GNPTG: variants seen among roughly 807,000 people sequenced by gnomAD.
GNPTG encodes the protein N-acetylglucosamine-1-phosphotransferase subunit gamma.
A neutral mutation model predicts 43.8 loss-of-function variants in GNPTG; 46 were observed. The observed-to-expected ratio is 1.05, with a 90% CI of 0.83 to 1.34. The LOEUF (loss-of-function observed/expected upper bound fraction) is 1.34. GNPTG is among the 40% of genes most tolerant of loss of function. The probability of loss-of-function intolerance (pLI) is 0.00; values close to 1 mark genes in which losing one functional copy is unlikely to be tolerated. For synonymous variants in GNPTG, 250 were observed against 172.8 expected (o/e 1.45, Z -3.50); for missense variants, 549 against 411.3 (o/e 1.33, Z -2.90).
intron 8 of GNPTG, 22 bp downstream of exon 8, chr16:1,362,556 C>T: frequency 6.2e-7 from 1 of 1,614,168 alleles, no homozygotes; most frequent in Non-Finnish European, 8.5e-7. Flanking sequence ...CTCGGGGTGG[C>T]CCCTGGTGGG....
rs952698680 is a variant in GNPTG at position 1,361,866 on chromosome 16, CCCCAGGTA to C, written c.234-4_237del. The C allele has an allele frequency of 1.2e-6, 2 of 1,613,928 alleles. No individual in the cohort carries two copies. The highest frequency in any genetic ancestry group is 1.7e-6 in the Non-Finnish European group (2 of 1,180,010). ...CGGACCCCCCTCATGCCATCTGTGT[CCCCAGGTA>C]CAAGTATGAGTTCTGCCCGTTCCAC... On this transcript the variant is annotated splice_acceptor_variant and splice_polypyrimidine_tract_variant and coding_sequence_variant and intron_variant, in exon 5 of 11. Transcript: ENST00000204679. LOFTEE classifies it high-confidence loss of function.
intron 3 of GNPTG, among the ~76,000 whole-genome samples, chr16:1,359,857 C>T (rs535773324): frequency 2.0e-5 from 3 of 152,198 alleles, no homozygotes; most frequent in Admixed American, 2.0e-4. Context: ...CGCCTGTAAT[C>T]CCAGTACTTT....
Position 1,363,322 on chromosome 16 carries a change from T to A in GNPTG, c.*231T>A. ...TTAAACAAGTGTTAACTTTAAACAG[T>A]TCGCTACAAGTAAATGATTATAAAT... On this transcript the variant is annotated 3_prime_UTR_variant, in exon 11 of 11. Coordinates refer to ENST00000204679, the MANE Select transcript of GNPTG (RefSeq NM_032520.5). The A allele has an allele frequency of 1.8e-6, 1 of 543,528 alleles. No individual in the cohort carries two copies. Among genetic ancestry groups the A allele is most frequent in the South Asian group, 2.0e-5 (1 of 49,544 alleles). 33.7% of individuals were successfully genotyped at this position (543,528 alleles called of 1,614,324 possible).
At chr16:1,358,454 T>G (rs1262245404) in intron 3 of GNPTG, 1 of 152,156 alleles carries the variant, frequency 6.6e-6, no homozygotes, top group Admixed American at 6.5e-5. Context: ...GCTTCCTTTT[T>G]ATATGGCTGA....
intron 3 of GNPTG, among the ~76,000 whole-genome samples, chr16:1,356,569 G>T (rs890745761): frequency 6.6e-6 from 1 of 152,210 alleles, no homozygotes; most frequent in African/African-American, 2.4e-5. Flanking sequence ...GGCACTGCCA[G>T]TTGGGGGCTT....
chr16:1,357,846 G>A (rs1402314261), intron 3 of GNPTG: 1 of 152,434 alleles, frequency 6.6e-6, no homozygotes, highest in Non-Finnish European at 1.5e-5. Context: ...AAACTACAGA[G>A]AGTTTGAAAC....
chr16:1,363,011 G>A lies in GNPTG; in HGVS notation c.838G>A (p.Glu280Lys), dbSNP rs756430172. Reference sequence around the variant, plus strand: ...TGTTTTGGCAGAAACTTCCAACTTGGAGCACTTGGGCCACGAGACGCCCAG... The same window carrying A: ...TGTTTTGGCAGAAACTTCCAACTTGAAGCACTTGGGCCACGAGACGCCCAG... ...YTRPTETSNLEHLGHETPRAK... is the reference protein window; with the variant it reads ...YTRPTETSNLKHLGHETPRAK... The change falls in exon 11 of 11, where the codon GAG (glutamate) becomes AAG (lysine). Residue 280 changes from glutamate (E) to lysine (K), a missense_variant. Glu to Lys is a moderately conservative substitution (Grantham distance 56). Transcript: ENST00000204679. The A allele has an allele frequency of 8.7e-6, 14 of 1,613,956 alleles. No individual in the cohort carries two copies. Among genetic ancestry groups the A allele is most frequent in the Admixed American group, 1.7e-5 (1 of 59,996 alleles).
At chr16:1,353,184 C>T (rs1314104387) in intron 3 of GNPTG, among the ~76,000 whole-genome samples, 1 of 152,140 alleles carries the variant, frequency 6.6e-6, no homozygotes, top group Non-Finnish European at 1.5e-5. Context: ...ACCGTATTGA[C>T]CAGGCGGGTC....
chr16:1,358,465 G>C (rs2034817256), intron 3 of GNPTG: 1 of 152,110 alleles, frequency 6.6e-6, no homozygotes, highest in Non-Finnish European at 1.5e-5. Flanking sequence ...ATATGGCTGA[G>C]GACTGTTCCA....
At chr16:1,358,823 T>C (rs184197664) in intron 3 of GNPTG, 1 of 151,826 alleles carries the variant, frequency 6.6e-6, no homozygotes, top group Admixed American at 6.6e-5. Flanking sequence ...ATTTCCCTAA[T>C]GATCAGTCAT....
chr16:1,362,096 G>C lies in GNPTG; in HGVS notation c.376G>C (p.Gly126Arg), dbSNP rs775359476. 2 of 1,611,460 alleles carry C rather than the reference G, an allele frequency of 1.2e-6. No individual in the cohort carries two copies. Among genetic ancestry groups the C allele is most frequent in the Middle Eastern group, 1.7e-4 (1 of 6,058 alleles). ...CTTCACGGGCATGTGGATGAGGGAC[G>C]GTGACGCCTGCCGTTCCCGGAGCCG... ...NTFTGMWMRD[G>R]DACRSRSRQS... is the part of the protein sequence containing the mutation. Residue 126 changes from glycine (G) to arginine (R), a missense_variant, in exon 6 of 11, where the codon GGT (glycine) becomes CGT (arginine). Coordinates refer to ENST00000204679, the MANE Select transcript of GNPTG (RefSeq NM_032520.5).
At position 1,363,621 on chromosome 16, in the gene GNPTG, G is replaced by C. The variant is rs963917300; in HGVS notation, c.*530G>C. ...TGGCCACAGGGGGGAGCTGCTGGGC[G>C]CGCCTCCACCTCAGCCTCCACGGGG... On this transcript the variant is annotated 3_prime_UTR_variant, in exon 11 of 11. Transcript: ENST00000204679. 1 of 198,044 alleles carries C rather than the reference G, an allele frequency of 5.0e-6. No homozygotes were observed. Among genetic ancestry groups the C allele is most frequent in the Non-Finnish European group, 1.1e-5 (1 of 94,918 alleles). The allele number at this position is 198,044 out of a possible 1,614,324, so 12.3% of individuals were successfully genotyped here.
chr16:1,358,756 T>G (rs1216553598), intron 3 of GNPTG: 1 of 152,196 alleles, frequency 6.6e-6, no homozygotes, highest in African/African-American at 2.4e-5. Flanking sequence ...ACACTGTTTT[T>G]TGCTAACAGC....
rs572050858 is a variant in GNPTG at position 1,352,606 on chromosome 16, G to C, written c.178+300G>C. The C allele has an allele frequency of 2.6e-4, 113 of 429,714 alleles. 2 individuals are homozygous for C. The South Asian group carries it at 2.9e-3, about 11-fold the overall frequency. 26.6% of individuals were successfully genotyped at this position (429,714 alleles called of 1,614,324 possible). ...TGTCTATGCAACTGGAAAACGTATA[G>C]TTTTTGTAATCTAATCGCTTTTTTA... On this transcript the variant is annotated intron_variant, in intron 3 of 10. Coordinates refer to ENST00000204679, the MANE Select transcript of GNPTG (RefSeq NM_032520.5).
chr16:1,352,708 G>T (rs1476424756), intron 3 of GNPTG, among the ~76,000 whole-genome samples: 4 of 152,130 alleles, frequency 2.6e-5, no homozygotes, highest in Non-Finnish European at 5.9e-5. Flanking sequence ...TCATGGTGAT[G>T]ATATAGGTCT....
chr16:1,363,429 A>G lies in GNPTG; in HGVS notation c.*338A>G, dbSNP rs1341768096. ...AACATACAGATTGAGGCTTCCAGAA[A>G]TTAATCCACTTGAGGCGTCCACGCG... On this transcript the variant is annotated 3_prime_UTR_variant, in exon 11 of 11. Transcript: ENST00000204679. 1 of 358,628 alleles carries G rather than the reference A, an allele frequency of 2.8e-6. No homozygotes were observed. The highest frequency in any genetic ancestry group is 2.2e-5 in the South Asian group (1 of 44,450). The allele number at this position is 358,628 out of a possible 1,614,324, so 22.2% of individuals were successfully genotyped here.
At chr16:1,352,600 C>G (rs2141633473) in intron 3 of GNPTG, 2 of 439,244 alleles carry the variant, frequency 4.6e-6, no homozygotes, top group East Asian at 8.7e-5. Context: ...AACTGGAAAA[C>G]GTATAGTTTT....
At position 1,361,844 on chromosome 16, in the gene GNPTG, A is replaced by AC. The variant is rs769814085; in HGVS notation, c.234-22dup. The AC allele has an allele frequency of 7.4e-6, 12 of 1,612,938 alleles. No individual in the cohort carries two copies. The South Asian group carries it at 8.8e-5, about 12-fold the overall frequency. ...GGGTGGGCTGGGGCGCAGCCTGCGG[A>AC]CCCCCCTCATGCCATCTGTGTCCCC... On this transcript the variant is annotated intron_variant, in intron 4 of 10. Coordinates refer to ENST00000204679, the MANE Select transcript of GNPTG (RefSeq NM_032520.5).
At chr16:1,355,103 G>C (rs1158837767) in intron 3 of GNPTG, among the ~76,000 whole-genome samples, 1 of 151,266 alleles carries the variant, frequency 6.6e-6, no homozygotes, top group Non-Finnish European at 1.5e-5. Context: ...GCGTCTGCGG[G>C]GTCGGGTGTG....
Sources: gnomAD v4.1 joint callset for allele counts (sites outside exome capture counted in the v4.1 genomes callset) on GRCh38, gnomAD v4.1.1 for gene constraint, MANE v1.5 for transcripts, NCBI Gene and HGNC (gene_info 2026-07-23, HGNC 2026-07-21) for gene names.